ANKIB1: variants seen among roughly 807,000 people sequenced by gnomAD.
The protein encoded by ANKIB1 is ankyrin repeat and IBR domain-containing protein 1.
ANKIB1 carries 43 observed loss-of-function variants against 122.1 expected under a neutral mutation model. That is an observed-to-expected ratio of 0.35 (90% CI 0.28 to 0.45). The LOEUF is 0.45. ANKIB1 is among the 20% of genes least tolerant of loss of function. The probability of loss-of-function intolerance (pLI) is 1.00; values close to 1 mark genes in which losing one functional copy is unlikely to be tolerated. For synonymous variants in ANKIB1, 390 were observed against 442.0 expected (o/e 0.88, Z 1.48); for missense variants, 992 against 1,329.5 (o/e 0.75, Z 3.95).
intron 1 of ANKIB1, among the ~76,000 whole-genome samples, chr7:92,249,867 C>T (rs760624786): frequency 6.6e-6 from 1 of 152,066 alleles, no homozygotes; most frequent in Non-Finnish European, 1.5e-5. Flanking sequence ...AAGATCTCCC[C>T]CCCCACACGC....
chr7:92,356,511 T>C (rs1803816326), intron 9 of ANKIB1, among the ~76,000 whole-genome samples: 1 of 152,108 alleles, frequency 6.6e-6, no homozygotes, highest in African/African-American at 2.4e-5. Context: ...CTCTGCAGAG[T>C]AGCACATCTG....
intron 1 of ANKIB1, among the ~76,000 whole-genome samples, chr7:92,257,711 G>T (rs140145117): frequency 6.6e-6 from 1 of 152,346 alleles, no homozygotes; most frequent in East Asian, 1.9e-4. Context: ...AGAATCACTT[G>T]AACCCTGGAG....
At position 92,344,193 on chromosome 7, in the gene ANKIB1, GTTTTTTTTTTTTTTTT is replaced by G. The variant is rs67933063; in HGVS notation, c.997-772_997-757del. ...TTTTTGTTGTTGTTTTGTGTTTTTG[GTTTTTTTTTTTTTTTT>G]TTTTTTTTTTTTGAGACGGAGTTTC... On this transcript the variant is annotated intron_variant, in intron 6 of 19. Coordinates refer to ENST00000265742, the MANE Select transcript of ANKIB1 (RefSeq NM_019004.2). Among the ~76,000 whole-genome samples, 326 of 97,690 alleles carry G rather than the reference GTTTTTTTTTTTTTTTT, an allele frequency of 3.3e-3. 3 individuals are homozygous for G. The highest frequency in any genetic ancestry group is 0.013 in the African/African-American group (305 of 23,770). 64.1% of individuals were successfully genotyped at this position (97,690 alleles called of 152,430 possible).
At chr7:92,279,669 G>T (rs989824734) in intron 1 of ANKIB1, among the ~76,000 whole-genome samples, 1 of 152,176 alleles carries the variant, frequency 6.6e-6, no homozygotes, top group Non-Finnish European at 1.5e-5. Context: ...GACAGCATGA[G>T]GTTTTAGCTA....
intron 4 of ANKIB1, among the ~76,000 whole-genome samples, chr7:92,323,112 C>T (rs779765560): frequency 1.3e-5 from 2 of 152,162 alleles, no homozygotes; most frequent in Non-Finnish European, 2.9e-5. Flanking sequence ...ATTGTTTACA[C>T]ATTTTAAAAG....
intron 2 of ANKIB1, among the ~76,000 whole-genome samples, chr7:92,306,448 T>G (rs61386358): frequency 0.034 from 5,226 of 152,224 alleles, 265 homozygotes; most frequent in African/African-American, 0.11. Flanking sequence ...GATCTTAGTC[T>G]TCTAGATCTA....
At chr7:92,345,868 G>A (rs1176501026) in intron 7 of ANKIB1, among the ~76,000 whole-genome samples, 3 of 151,922 alleles carry the variant, frequency 2.0e-5, no homozygotes, top group Non-Finnish European at 2.9e-5. Context: ...GGGTAAGAGC[G>A]AGAACCTGAG....
At chr7:92,279,151 T>G (rs1198643823) in intron 1 of ANKIB1, among the ~76,000 whole-genome samples, 1 of 152,204 alleles carries the variant, frequency 6.6e-6, no homozygotes, top group Non-Finnish European at 1.5e-5. Context: ...AATCTAATGC[T>G]GCACTGATCT....
intron 4 of ANKIB1, among the ~76,000 whole-genome samples, chr7:92,321,698 T>C (rs1051742535): frequency 2.6e-5 from 4 of 152,226 alleles, no homozygotes; most frequent in Non-Finnish European, 4.4e-5. Context: ...AAAATAATCA[T>C]ACAATTGTGT....
intron 3 of ANKIB1, among the ~76,000 whole-genome samples, chr7:92,315,561 G>A (rs927324129): frequency 3.3e-5 from 5 of 152,156 alleles, no homozygotes; most frequent in Non-Finnish European, 7.4e-5. Context: ...TAGTGCCTAT[G>A]AGGGAAACAC....
At chr7:92,303,581 G>A (rs924082126) in intron 2 of ANKIB1, among the ~76,000 whole-genome samples, 1 of 152,122 alleles carries the variant, frequency 6.6e-6, no homozygotes, top group African/African-American at 2.4e-5. Context: ...GTCAAGAACT[G>A]AAACTTGCTT....
chr7:92,343,961 A>G (rs895238944), intron 6 of ANKIB1, among the ~76,000 whole-genome samples: 1 of 152,088 alleles, frequency 6.6e-6, no homozygotes, highest in Non-Finnish European at 1.5e-5. Flanking sequence ...TATTTCTTGA[A>G]TGACTCAGCC....
At chr7:92,248,237 C>T (rs1801242597) in intron 1 of ANKIB1, among the ~76,000 whole-genome samples, 1 of 152,104 alleles carries the variant, frequency 6.6e-6, no homozygotes, top group African/African-American at 2.4e-5. Context: ...CCCTTGACCA[C>T]TACACCGAGA....
At chr7:92,370,279 C>G (rs565177123) in intron 10 of ANKIB1, among the ~76,000 whole-genome samples, 1 of 151,712 alleles carries the variant, frequency 6.6e-6, no homozygotes, top group South Asian at 2.1e-4. Flanking sequence ...GAGGCCGAGG[C>G]GGGCGGATCA....
At chr7:92,379,129 G>A (rs1387508451) in intron 11 of ANKIB1, among the ~76,000 whole-genome samples, 3 of 152,222 alleles carry the variant, frequency 2.0e-5, no homozygotes, top group South Asian at 4.1e-4. Context: ...GGTGGCTCAC[G>A]CCAGTAATTC....
intron 11 of ANKIB1, among the ~76,000 whole-genome samples, chr7:92,384,377 A>C (rs1804586493): frequency 6.6e-6 from 1 of 152,230 alleles, no homozygotes; most frequent in Non-Finnish European, 1.5e-5. Context: ...CAGAATTGGA[A>C]AAAACTACTT....
chr7:92,307,994 TTG>T (rs545567712), intron 3 of ANKIB1, among the ~76,000 whole-genome samples: 30 of 151,822 alleles, frequency 2.0e-4, no homozygotes, highest in African/African-American at 7.0e-4. Flanking sequence ...TTTTGTATTT[TTG>T]TATAATTTAA....
chr7:92,281,900 A>G (rs546207196), intron 1 of ANKIB1, among the ~76,000 whole-genome samples: 16 of 152,326 alleles, frequency 1.1e-4, no homozygotes, highest in Non-Finnish European at 1.9e-4. Flanking sequence ...TATGTACATA[A>G]TTATTAAAGA....
intron 5 of ANKIB1, among the ~76,000 whole-genome samples, chr7:92,338,931 AAAATATATATATATATAT>A (rs1803363331): frequency 3.2e-5 from 1 of 31,422 alleles, no homozygotes; most frequent in Non-Finnish European, 6.4e-5. Flanking sequence ...AAAAAAAAAA[AAAATATATATATATATAT>A]ATATATATAT....
Sources: allele counts gnomAD v4.1 joint callset (sites outside exome capture counted in the v4.1 genomes callset), GRCh38; gene constraint gnomAD v4.1.1; transcripts MANE v1.5; gene names NCBI Gene and HGNC (gene_info 2026-07-23, HGNC 2026-07-21).